JARID2: variants seen among roughly 807,000 people sequenced by gnomAD.
The protein encoded by JARID2 is jumonji and AT-rich interaction domain containing 2, also known as protein Jumonji.
JARID2 carries 21 observed loss-of-function variants against 125.6 expected under a neutral mutation model. The ratio of observed to expected loss-of-function variants is 0.17; its 90% confidence interval spans 0.12 to 0.24. JARID2 has a LOEUF of 0.24. Ranked by LOEUF, JARID2 falls within the 10% of genes least tolerant of loss-of-function variation. The probability of loss-of-function intolerance (pLI) is 1.00; values close to 1 mark genes in which losing one functional copy is unlikely to be tolerated. For synonymous variants in JARID2, 736 were observed against 661.6 expected, an observed-to-expected ratio of 1.11 and a Z score of -1.73; for missense variants, 1,303 against 1,639.6, an observed-to-expected ratio of 0.79 and a Z score of 3.55.
intron 6 of JARID2, 43 bp from the exon 7 acceptor site, chr6:15,496,089 T>TA (rs1561903292): frequency 6.5e-7 from 1 of 1,535,350 alleles, no homozygotes; most frequent in Non-Finnish European, 8.8e-7. Flanking sequence ...TGGCAGGTAC[T>TA]AATTCTGCGT....
At chr6:15,382,567 C>T (rs554166051) in intron 2 of JARID2, among the ~76,000 whole-genome samples, 1 of 152,076 alleles carries the variant, frequency 6.6e-6, no homozygotes, top group Non-Finnish European at 1.5e-5. Context: ...AAATTAAGGA[C>T]TGCTAGAGCA....
At chr6:15,349,360 G>A (rs1289357799) in intron 1 of JARID2, among the ~76,000 whole-genome samples, 2 of 152,182 alleles carry the variant, frequency 1.3e-5, no homozygotes, top group Non-Finnish European at 2.9e-5. Context: ...ACAACATTGT[G>A]TGCCCTAATT....
chr6:15,338,060 A>T (rs1762939754), intron 1 of JARID2, among the ~76,000 whole-genome samples: 1 of 152,204 alleles, frequency 6.6e-6, no homozygotes, highest in South Asian at 2.1e-4. Context: ...GTTTGCCGAC[A>T]GCAGGGAGAA....
chr6:15,433,418 G>T (rs928257606), intron 3 of JARID2, among the ~76,000 whole-genome samples: 1 of 101,692 alleles, frequency 9.8e-6, no homozygotes, highest in Admixed American at 1.1e-4. Flanking sequence ...CTCTGTGTGT[G>T]TGTGTGTGTG....
At chr6:15,506,906 A>G (rs1771067596) in intron 9 of JARID2, among the ~76,000 whole-genome samples, 1 of 152,232 alleles carries the variant, frequency 6.6e-6, no homozygotes, top group Non-Finnish European at 1.5e-5. Flanking sequence ...TGGGAATAAC[A>G]CTGCATAACA....
chr6:15,254,839 A>G (rs1759595601), intron 1 of JARID2, among the ~76,000 whole-genome samples: 1 of 152,060 alleles, frequency 6.6e-6, no homozygotes, highest in African/African-American at 2.4e-5. Context: ...CAGGAGTTCT[A>G]GACTAGCCTG....
At chr6:15,477,314 G>A (rs1045700900) in intron 5 of JARID2, among the ~76,000 whole-genome samples, 2 of 151,822 alleles carry the variant, frequency 1.3e-5, no homozygotes, top group African/African-American at 2.4e-5. Context: ...CATGCATCAG[G>A]GTCAGGAGCT....
Position 15,496,457 on chromosome 6 carries a change from G to C in JARID2, c.1232G>C (p.Gly411Ala). ...GPAVNGLKVSGRLNPKSCTKE... is the reference protein window; with the variant it reads ...GPAVNGLKVSARLNPKSCTKE... Reference sequence around the variant, plus strand: ...GCCGTCAATGGCCTCAAGGTCAGTGGCAGGTTGAACCCAAAGTCATGCACT... The same window carrying C: ...GCCGTCAATGGCCTCAAGGTCAGTGCCAGGTTGAACCCAAAGTCATGCACT... The change falls in exon 7 of 18, where the codon GGC becomes GCC. Residue 411 changes from glycine (G) to alanine (A), a missense_variant. Physicochemically the swap from Gly to Ala is moderately conservative, Grantham distance 60. Around this residue, in one of 11 missense-constraint regions of JARID2, gnomAD observed 651 missense variants for 581.6 expected, o/e 1.12. Transcript: ENST00000341776. The C allele has an allele frequency of 6.2e-7, 1 of 1,613,634 alleles. No homozygotes were observed. Among genetic ancestry groups the C allele is most frequent in the Non-Finnish European group, 8.5e-7 (1 of 1,179,822 alleles).
At chr6:15,400,806 C>A in intron 2 of JARID2, 1 of 1,245,272 alleles carries the variant, frequency 8.0e-7, no homozygotes, top group Non-Finnish European at 1.0e-6. Context: ...CCTATTGCCG[C>A]GCGGAATCTG....
chr6:15,460,376 G>A (rs1768385594), intron 4 of JARID2, among the ~76,000 whole-genome samples: 1 of 152,150 alleles, frequency 6.6e-6, no homozygotes, highest in Admixed American at 6.5e-5. Flanking sequence ...CTGCCAGTGA[G>A]TACTGGCACA....
At chr6:15,363,735 C>G (rs7743461) in intron 1 of JARID2, among the ~76,000 whole-genome samples, 7,125 of 150,942 alleles carry the variant, frequency 0.047, 394 homozygotes, top group African/African-American at 0.14. Flanking sequence ...AATGTGTGTG[C>G]CCTGTCGCTT....
chr6:15,337,953 C>T (rs1396620646), intron 1 of JARID2, among the ~76,000 whole-genome samples: 5 of 152,174 alleles, frequency 3.3e-5, no homozygotes, highest in African/African-American at 9.7e-5. Flanking sequence ...AGGCAACAGG[C>T]ACAATGTAAA....
intron 4 of JARID2, among the ~76,000 whole-genome samples, chr6:15,463,784 C>T (rs1768577646): frequency 6.6e-6 from 1 of 152,128 alleles, no homozygotes; most frequent in Non-Finnish European, 1.5e-5. Context: ...CGACTCAGCA[C>T]AATATAATTA....
In JARID2 at chr6:15,410,291, C is replaced by T; in HGVS notation, c.249C>T (p.Asp83=). The T allele has an allele frequency of 8.1e-6, 13 of 1,613,920 alleles. No individual in the cohort carries two copies. The highest frequency in any genetic ancestry group is 1.6e-4 in the Middle Eastern group (1 of 6,062). The stretch of plus-strand genomic sequence containing the variant: ...CAGAACAGTCAGAGAATGAAAAGGA[C>T]GATGCATCCCAAGTGTCCTCCACTA... ...PASEQSENEK[D]DASQVSSTSN... The change falls in exon 3 of 18, where the codon GAC becomes GAT. Residue 83 remains aspartate, a synonymous_variant. Transcript: ENST00000341776.
intron 1 of JARID2, among the ~76,000 whole-genome samples, chr6:15,351,253 T>A (rs1763419747): frequency 6.6e-6 from 1 of 151,942 alleles, no homozygotes; most frequent in Non-Finnish European, 1.5e-5. Flanking sequence ...TCTAATAGGG[T>A]CTGGTAAAAA....
intron 1 of JARID2, among the ~76,000 whole-genome samples, chr6:15,368,435 A>C (rs923797214): frequency 3.3e-5 from 5 of 152,086 alleles, no homozygotes; most frequent in African/African-American, 9.7e-5. Context: ...TTAACTGCAA[A>C]CTCATGAGAT....
At chr6:15,250,700 A>G (rs1365261250) in intron 1 of JARID2, among the ~76,000 whole-genome samples, 1 of 150,536 alleles carries the variant, frequency 6.6e-6, no homozygotes, top group Non-Finnish European at 1.5e-5. Flanking sequence ...CACTGGCCCA[A>G]ATAGACAACT....
chr6:15,316,805 T>A (rs1391786050), intron 1 of JARID2, among the ~76,000 whole-genome samples: 1 of 152,210 alleles, frequency 6.6e-6, no homozygotes, highest in Non-Finnish European at 1.5e-5. Flanking sequence ...CCTGGCCCAC[T>A]GCTATTGTTT....
intron 2 of JARID2, among the ~76,000 whole-genome samples, chr6:15,384,698 C>T (rs1764716310): frequency 6.6e-6 from 1 of 152,130 alleles, no homozygotes; most frequent in South Asian, 2.1e-4. Context: ...ATTTAACATC[C>T]CGCCCCAACC....
Sources: allele counts gnomAD v4.1 joint callset (sites outside exome capture counted in the v4.1 genomes callset), GRCh38; gene constraint gnomAD v4.1.1; regional missense constraint gnomAD v4.1.1; transcripts MANE v1.5; gene names NCBI Gene and HGNC (gene_info 2026-07-23, HGNC 2026-07-21).